Variants in LRRFIP2 observed in about 807,000 individuals in gnomAD.
LRRFIP2 encodes the protein LRR binding FLII interacting protein 2, also known as leucine-rich repeat flightless-interacting protein 2.
LRRFIP2 carries 109 observed loss-of-function variants against 125.9 expected under a neutral mutation model. That is an observed-to-expected ratio of 0.87 (90% CI 0.74 to 1.01). LRRFIP2 has a LOEUF of 1.01. LRRFIP2 is among the 50% of genes least tolerant of loss of function. The probability of loss-of-function intolerance (pLI) is 0.00; values close to 1 mark genes in which losing one functional copy is unlikely to be tolerated. For missense variants in LRRFIP2, 850 were observed against 862.3 expected (o/e 0.99, Z 0.18); for synonymous variants, 291 against 293.1 (o/e 0.99, Z 0.07).
Position 37,077,574 on chromosome 3 carries a change from T to A in LRRFIP2, c.1279-2458A>T, listed in dbSNP as rs2092218392. On this transcript the variant is annotated intron_variant, in intron 19 of 27. Coordinates refer to ENST00000336686, the MANE Select transcript of LRRFIP2 (RefSeq NM_006309.4). ...ATTTAAAACATGGAAAGATAAACCA[T>A]TAAAATTTAAAATTCCCTAAAGGAA... Among the ~76,000 whole-genome samples the A allele has an allele frequency of 2.6e-5, 4 of 152,092 alleles. No individual in the cohort carries two copies. The South Asian group carries it at 8.3e-4, about 32-fold the overall frequency.
At chr3:37,086,434 C>T (rs1373771566) in intron 18 of LRRFIP2, among the ~76,000 whole-genome samples, 1 of 152,124 alleles carries the variant, frequency 6.6e-6, no homozygotes, top group African/African-American at 2.4e-5. Context: ...ATGTTCACAG[C>T]AGCATTATTC....
intron 4 of LRRFIP2, among the ~76,000 whole-genome samples, chr3:37,123,738 G>C (rs535785090): frequency 2.0e-5 from 3 of 152,082 alleles, no homozygotes; most frequent in African/African-American, 7.2e-5. Context: ...GGGTAAATAC[G>C]GTTTAATGTC....
chr3:37,130,922 T>C (rs1275933451), intron 2 of LRRFIP2, among the ~76,000 whole-genome samples: 3 of 152,242 alleles, frequency 2.0e-5, no homozygotes, highest in African/African-American at 4.8e-5. Context: ...ACAAATCTTC[T>C]ATCCATGAAA....
chr3:37,075,047 G>T lies in LRRFIP2; in HGVS notation c.1348C>A (p.Arg450=). The change falls in exon 20 of 28, where the codon CGG becomes AGG. Residue 450 remains arginine, a synonymous_variant. Coordinates refer to ENST00000336686, the MANE Select transcript of LRRFIP2 (RefSeq NM_006309.4). ...ACCTCAATAAGCTCATCTCTTTGCC[G>T]CAGGCCTTCTTTAAGTTCTTCCATC... is the stretch of plus-strand genomic sequence containing the variant. ...HKMEELKEGL[R]QRDELIEEKQ... is the part of the protein sequence containing the mutation. 1 of 1,611,738 alleles carries T rather than the reference G, an allele frequency of 6.2e-7. No individual in the cohort carries two copies. The highest frequency in any genetic ancestry group is 1.1e-5 in the South Asian group (1 of 91,042).
chr3:37,126,902 T>C (rs1269993639), intron 4 of LRRFIP2, among the ~76,000 whole-genome samples: 1 of 151,966 alleles, frequency 6.6e-6, no homozygotes, highest in Non-Finnish European at 1.5e-5. Flanking sequence ...GTTGCTTGTT[T>C]AGCAGCAATC....
At chr3:37,061,162 T>C (rs1184150032) in intron 24 of LRRFIP2, among the ~76,000 whole-genome samples, 2 of 152,132 alleles carry the variant, frequency 1.3e-5, no homozygotes, top group African/African-American at 4.8e-5. Context: ...TGCTGCCCCT[T>C]CACCTTCCGC....
chr3:37,166,805 G>C (rs1012501790), intron 1 of LRRFIP2, among the ~76,000 whole-genome samples: 2 of 151,952 alleles, frequency 1.3e-5, no homozygotes, highest in Non-Finnish European at 2.9e-5. Flanking sequence ...GATCACCTGA[G>C]GTTGGGAGTT....
intron 2 of LRRFIP2, among the ~76,000 whole-genome samples, chr3:37,144,789 C>T (rs144037401): frequency 2.6e-5 from 4 of 152,226 alleles, no homozygotes; most frequent in African/African-American, 9.6e-5. Context: ...ACATATGTTC[C>T]ATAACATAAA....
At chr3:37,097,533 G>A (rs183411184) in intron 15 of LRRFIP2, among the ~76,000 whole-genome samples, 9 of 152,256 alleles carry the variant, frequency 5.9e-5, no homozygotes, top group Admixed American at 1.3e-4. Context: ...CTGGCATAGA[G>A]AAGGGCTCAA....
intron 1 of LRRFIP2, among the ~76,000 whole-genome samples, chr3:37,163,164 T>C (rs2096390909): frequency 6.6e-6 from 1 of 152,236 alleles, no homozygotes; most frequent in South Asian, 2.1e-4. Flanking sequence ...AGGAAGACTC[T>C]TTTCAGCTTA....
intron 1 of LRRFIP2, among the ~76,000 whole-genome samples, chr3:37,158,702 T>A (rs112854771): frequency 7.3e-5 from 11 of 150,730 alleles, no homozygotes; most frequent in African/African-American, 2.4e-4. Flanking sequence ...AACCAAAGAA[T>A]CAAGATGAAA....
At chr3:37,151,873 G>A (rs540756660) in intron 1 of LRRFIP2, among the ~76,000 whole-genome samples, 2 of 152,094 alleles carry the variant, frequency 1.3e-5, no homozygotes, top group Non-Finnish European at 2.9e-5. Flanking sequence ...CCAAAGTGCT[G>A]GGATTACAGG....
intron 16 of LRRFIP2, among the ~76,000 whole-genome samples, chr3:37,095,382 A>G (rs569080537): frequency 6.6e-6 from 1 of 152,334 alleles, no homozygotes; most frequent in East Asian, 1.9e-4. Flanking sequence ...AGCAGAGAGT[A>G]GCAACACTGG....
intron 2 of LRRFIP2, among the ~76,000 whole-genome samples, chr3:37,130,582 T>C (rs549989612): frequency 6.6e-6 from 1 of 152,324 alleles, no homozygotes; most frequent in South Asian, 2.1e-4. Context: ...AAGTGGAAAA[T>C]TCCAGAAATA....
intron 1 of LRRFIP2, 127 bp from the exon 2 acceptor site, chr3:37,149,165 T>A (rs2095940543): frequency 4.8e-6 from 3 of 629,762 alleles, no homozygotes; most frequent in Non-Finnish European, 5.0e-6. Context: ...ATTATTCCAA[T>A]AAATTTTAGA....
chr3:37,134,801 T>C, intron 2 of LRRFIP2: 1 of 840,104 alleles, frequency 1.2e-6, no homozygotes, highest in East Asian at 2.6e-5. Flanking sequence ...ATCAAAGCGG[T>C]GTATTCTTTT....
rs149015648 is a variant in LRRFIP2 at position 37,163,411 on chromosome 3, T to A, written c.-56+11128A>T. On this transcript the variant is annotated intron_variant, in intron 1 of 27. Coordinates refer to ENST00000336686, the MANE Select transcript of LRRFIP2 (RefSeq NM_006309.4). ...GCGGACAAAACTGATGTATACCACA[T>A]CCTGGCCTGGCCCATCAAACTTTCC... Among the ~76,000 whole-genome samples, 12 of 152,288 alleles carry A rather than the reference T, an allele frequency of 7.9e-5. No homozygotes were observed. In the East Asian group the frequency reaches 2.3e-3, roughly 29 times the overall value.
intron 2 of LRRFIP2, among the ~76,000 whole-genome samples, chr3:37,132,206 C>T (rs1267796502): frequency 6.6e-6 from 1 of 151,852 alleles, no homozygotes; most frequent in African/African-American, 2.4e-5. Flanking sequence ...ATTTTAAAAT[C>T]ACAAAGCATC....
chr3:37,073,398 T>C (rs1488662643), intron 20 of LRRFIP2, among the ~76,000 whole-genome samples: 2 of 152,194 alleles, frequency 1.3e-5, no homozygotes, highest in Non-Finnish European at 2.9e-5. Flanking sequence ...AAAATTATAT[T>C]ATTTTGAAAC....
Sources: gnomAD v4.1 joint callset for allele counts (sites outside exome capture counted in the v4.1 genomes callset) on GRCh38, gnomAD v4.1.1 for gene constraint, MANE v1.5 for transcripts, NCBI Gene and HGNC (gene_info 2026-07-23, HGNC 2026-07-21) for gene names.